MYO16: variants seen among roughly 807,000 people sequenced by gnomAD.
MYO16 encodes myosin XVI.
A neutral mutation model predicts 205.3 loss-of-function variants in MYO16; 94 were observed. The observed-to-expected ratio is 0.46, with a 90% CI of 0.39 to 0.54. The LOEUF (loss-of-function observed/expected upper bound fraction) is 0.54. Ranked by LOEUF, MYO16 falls within the 20% of genes least tolerant of loss-of-function variation. The pLI, the probability that MYO16 is intolerant of heterozygous loss-of-function variation, is 0.00. For synonymous variants in MYO16, 988 were observed against 954.0 expected (o/e 1.04, Z -0.66); for missense variants, 2,315 against 2,387.5 (o/e 0.97, Z 0.63).
At chr13:108,679,860 C>T (rs1882388239) in intron 2 of MYO16, among the ~76,000 whole-genome samples, 1 of 152,062 alleles carries the variant, frequency 6.6e-6, no homozygotes, top group African/African-American at 2.4e-5. Context: ...CCAGACTTCA[C>T]CCTTCCCATT....
intron 15 of MYO16, among the ~76,000 whole-genome samples, chr13:108,907,842 G>A (rs1881063080): frequency 6.6e-6 from 1 of 152,090 alleles, no homozygotes; most frequent in African/African-American, 2.4e-5. Context: ...ATATTGGCTG[G>A]GATAGATGGG....
intron 16 of MYO16, among the ~76,000 whole-genome samples, chr13:108,934,342 T>C (rs1882385430): frequency 6.6e-6 from 1 of 152,168 alleles, no homozygotes; most frequent in Non-Finnish European, 1.5e-5. Context: ...TCTCTGATGA[T>C]TAATGATGAA....
chr13:108,876,556 C>T (rs1402010180), intron 12 of MYO16, among the ~76,000 whole-genome samples: 1 of 152,010 alleles, frequency 6.6e-6, no homozygotes, highest in Non-Finnish European at 1.5e-5. Context: ...TCCTTCCATC[C>T]AGTGTTTTAT....
intron 1 of MYO16, among the ~76,000 whole-genome samples, chr13:108,636,351 T>G (rs1880229361): frequency 4.5e-5 from 1 of 22,104 alleles, no homozygotes; most frequent in African/African-American, 2.4e-4. Flanking sequence ...TTTCCCTTTT[T>G]TTTTTTTTTT....
At chr13:108,540,471 G>A in the MYO16 span, among the ~76,000 whole-genome samples, 2 of 152,052 alleles carry the variant, frequency 1.3e-5, no homozygotes, top group Non-Finnish European at 2.9e-5. Context: ...AATCTGGTAT[G>A]ACTGAGGAAC....
At chr13:108,843,848 T>G (rs1415600076) in intron 9 of MYO16, among the ~76,000 whole-genome samples, 1 of 152,176 alleles carries the variant, frequency 6.6e-6, no homozygotes, top group Non-Finnish European at 1.5e-5. Flanking sequence ...ATTGCAGTCC[T>G]TAAAGATATT....
chr13:108,752,016 A>T (rs1235037919), intron 4 of MYO16, among the ~76,000 whole-genome samples: 3 of 152,196 alleles, frequency 2.0e-5, no homozygotes, highest in Non-Finnish European at 4.4e-5. Context: ...ATGATCATGT[A>T]TCTGTAGTAG....
intron 16 of MYO16, among the ~76,000 whole-genome samples, chr13:108,913,934 C>G (rs573590206): frequency 6.6e-6 from 1 of 152,296 alleles, no homozygotes; most frequent in East Asian, 1.9e-4. Flanking sequence ...CTATACCTCA[C>G]TGCCGATTTC....
chr13:108,684,288 T>C (rs895660543), intron 2 of MYO16, among the ~76,000 whole-genome samples: 1 of 152,084 alleles, frequency 6.6e-6, no homozygotes, highest in Non-Finnish European at 1.5e-5. Context: ...GCATGAAAGG[T>C]GTGTTTTGGC....
At chr13:108,613,595 A>G (rs897212109) in intron 1 of MYO16, among the ~76,000 whole-genome samples, 1 of 152,176 alleles carries the variant, frequency 6.6e-6, no homozygotes, top group Non-Finnish European at 1.5e-5. Context: ...TATAAAAAGC[A>G]AAGTATTCAA....
At chr13:108,650,599 G>T (rs986008718) in intron 1 of MYO16, among the ~76,000 whole-genome samples, 1 of 152,194 alleles carries the variant, frequency 6.6e-6, no homozygotes, top group African/African-American at 2.4e-5. Context: ...TTAGGGTAGA[G>T]CATCTAAATT....
chr13:108,933,750 T>C (rs983938076), intron 16 of MYO16, among the ~76,000 whole-genome samples: 1 of 152,130 alleles, frequency 6.6e-6, no homozygotes, highest in Non-Finnish European at 1.5e-5. Flanking sequence ...CTTTCCCCTA[T>C]ACCTTCCTCC....
At chr13:109,181,364 T>A (rs1194756383) in intron 34 of MYO16, among the ~76,000 whole-genome samples, 1 of 152,390 alleles carries the variant, frequency 6.6e-6, no homozygotes, top group East Asian at 1.9e-4. Flanking sequence ...TGAAACTATG[T>A]GTTGAATGGC....
In MYO16 at chr13:109,080,581, A is replaced by G. The variant is rs867928512; in HGVS notation, c.3336-20204A>G. 7.3e-3 allele frequency among the ~76,000 whole-genome samples: 224 copies of G among 30,862 alleles called. 1 individual carries two copies. Among genetic ancestry groups the G allele is most frequent in the African/African-American group, 0.012 (157 of 12,818 alleles). 20.2% of individuals were successfully genotyped at this position (30,862 alleles called of 152,430 possible). A position where few individuals can be genotyped will look rare whatever the true frequency, so the allele number is the denominator to read the frequency against. ...TCTGAACATTCTGTGCCCCTCTTCA[A>G]AAAAAAAAAAAAATGCTTTGGCTCA... On this transcript the variant is annotated intron_variant, in intron 27 of 34. Transcript: ENST00000457511.
intron 16 of MYO16, among the ~76,000 whole-genome samples, chr13:108,946,803 A>G (rs1882958979): frequency 6.6e-6 from 1 of 152,020 alleles, no homozygotes; most frequent in Non-Finnish European, 1.5e-5. Flanking sequence ...GTGCAGTGGC[A>G]GGATCACAGC....
chr13:108,952,324 C>T (rs74744947), intron 16 of MYO16, among the ~76,000 whole-genome samples: 2,962 of 152,172 alleles, frequency 0.019, 48 homozygotes, highest in Non-Finnish European at 0.027. Context: ...GCGTCCCATC[C>T]GCCTTGCAGG....
rs1275684645 is a variant in MYO16 at position 108,844,345 on chromosome 13, G to A, written c.1100G>A (p.Ser367Asn). 6.2e-7 allele frequency: 1 copy of A among 1,604,322 alleles called. No individual in the cohort carries two copies. The highest frequency in any genetic ancestry group is 8.5e-7 in the Non-Finnish European group (1 of 1,174,940). Residue 367 changes from serine to asparagine, a missense_variant and splice_region_variant, in exon 10 of 35, where the codon AGT becomes AAT. Transcript: ENST00000457511. The part of the protein sequence containing the change: ...HDLPVLSSKL[S>N]PLVLPIAKQD... ...AGTATTGATTTTTTTTCCTGTAGCA[G>A]TCCCCTGGTGTTACCAATTGCCAAG... is the stretch of plus-strand genomic sequence containing the variant.
chr13:108,666,334 G>A (rs1288247667), intron 2 of MYO16, among the ~76,000 whole-genome samples, 185 bp downstream of exon 2: 1 of 151,814 alleles, frequency 6.6e-6, no homozygotes, highest in East Asian at 1.9e-4. Flanking sequence ...ATCATTAAAA[G>A]TCCTACCACC....
In MYO16 at chr13:108,856,596, A is replaced by T. The variant is rs376632942; in HGVS notation, c.1359+1043A>T. Among the ~76,000 whole-genome samples, 6 of 152,088 alleles carry T rather than the reference A, an allele frequency of 3.9e-5. No homozygotes were observed. In the South Asian group the frequency reaches 8.3e-4, roughly 21 times the overall value. On this transcript the variant is annotated intron_variant, in intron 11 of 34. Coordinates refer to ENST00000457511, the MANE Select transcript of MYO16 (RefSeq NM_001198950.3). ...ACCCTGTTACTTTTGTAAAGTGTGT[A>T]TTTTTATAACATTTTTTCATCTTTT...
Sources: allele counts gnomAD v4.1 joint callset (sites outside exome capture counted in the v4.1 genomes callset), GRCh38; gene constraint gnomAD v4.1.1; transcripts MANE v1.5; gene names NCBI Gene and HGNC (gene_info 2026-07-23, HGNC 2026-07-21).